The following ADAMTSL1 variants were observed in gnomAD, a reference collection of about 807,000 sequenced individuals.
The protein encoded by ADAMTSL1 is ADAMTS-like protein 1.
A neutral mutation model predicts 201.8 loss-of-function variants in ADAMTSL1; 126 were observed. That is an observed-to-expected ratio of 0.62 (90% CI 0.54 to 0.72). The LOEUF (loss-of-function observed/expected upper bound fraction) is 0.72. Among genes scored for constraint, ADAMTSL1 ranks in the 30% least tolerant of loss-of-function variants. The pLI, the probability that ADAMTSL1 is intolerant of heterozygous loss-of-function variation, is 0.00. For synonymous variants in ADAMTSL1, 1,121 were observed against 903.4 expected (o/e 1.24, Z -4.32); for missense variants, 2,679 against 2,277.8 (o/e 1.18, Z -3.59).
At chr9:17,947,312 T>TACAC (rs34840423) in intron 1 of ADAMTSL1, among the ~76,000 whole-genome samples, 16,699 of 143,228 alleles carry the variant, frequency 0.12, 1,062 homozygotes, top group South Asian at 0.22. Context: ...TATACACACA[T>TACAC]ACACACACAC....
intron 8 of ADAMTSL1, among the ~76,000 whole-genome samples, chr9:18,660,247 AT>A (rs949819326): frequency 6.6e-6 from 1 of 152,194 alleles, no homozygotes; most frequent in African/African-American, 2.4e-5. Context: ...CTTCCACTTT[AT>A]TTTGAAATGT....
In ADAMTSL1 at chr9:17,940,523, C is replaced by T. The variant is rs983500269; in HGVS notation, c.87+33601C>T. Among the ~76,000 whole-genome samples, 3 of 151,920 alleles carry T rather than the reference C, an allele frequency of 2.0e-5. No individual in the cohort carries two copies. In the South Asian group the frequency reaches 6.2e-4, roughly 32 times the overall value. ...GGAAGAAAAACCAATTTAGGGTGGG[C>T]AGATAGCATCTACTTGTTGACCTGT... is the stretch of plus-strand genomic sequence containing the variant. On this transcript the variant is annotated intron_variant, in intron 1 of 29. Coordinates refer to the ADAMTSL1 transcript ENST00000680146.
intron 2 of ADAMTSL1, among the ~76,000 whole-genome samples, chr9:18,274,071 C>G (rs562192769): frequency 6.6e-6 from 1 of 152,162 alleles, no homozygotes; most frequent in African/African-American, 2.4e-5. Context: ...TAGAATGAAG[C>G]TATGGAAGAG....
chr9:18,669,286 G>A lies in ADAMTSL1; in HGVS notation c.1086-6571G>A, dbSNP rs10963716. On this transcript the variant is annotated intron_variant, in intron 9 of 28. Coordinates refer to ENST00000380548, the MANE Select transcript of ADAMTSL1 (RefSeq NM_001040272.6). ...ACAGAAAGAAGTAAACAAAGACCAA[G>A]GAAATATTAGTCCCACTTATTTAAA... 4.4e-4 allele frequency among the ~76,000 whole-genome samples: 67 copies of A among 152,196 alleles called. 2 individuals carry two copies. The East Asian group carries it at 0.012, about 27-fold the overall frequency.
chr9:18,413,161 T>A (rs76377799), intron 2 of ADAMTSL1, among the ~76,000 whole-genome samples: 1 of 151,502 alleles, frequency 6.6e-6, no homozygotes, highest in Non-Finnish European at 1.5e-5. Flanking sequence ...TTTTTTTTTT[T>A]TTTTGAGATG....
At chr9:18,772,226 A>C (rs1820732930) in intron 17 of ADAMTSL1, among the ~76,000 whole-genome samples, 1 of 152,162 alleles carries the variant, frequency 6.6e-6, no homozygotes, top group African/African-American at 2.4e-5. Context: ...GAGTATTATA[A>C]AAGGAATTGC....
At chr9:18,897,265 C>A (rs1829701959) in intron 26 of ADAMTSL1, among the ~76,000 whole-genome samples, 1 of 152,042 alleles carries the variant, frequency 6.6e-6, no homozygotes, top group Admixed American at 6.6e-5. Flanking sequence ...GAGTCTCTGC[C>A]CTTGAGTTAC....
intron 21 of ADAMTSL1, among the ~76,000 whole-genome samples, chr9:18,824,949 G>C (rs1237721335): frequency 6.6e-6 from 1 of 152,014 alleles, no homozygotes; most frequent in Non-Finnish European, 1.5e-5. Context: ...GTCTGCCTCG[G>C]CCTCCCAAAG....
intron 2 of ADAMTSL1, among the ~76,000 whole-genome samples, chr9:18,221,042 G>A (rs552327515): frequency 3.7e-4 from 57 of 152,098 alleles, no homozygotes; most frequent in Non-Finnish European, 6.2e-4. Context: ...CCCAAAGTTC[G>A]GGGATTACAG....
chr9:18,772,764 A>G (rs762798867), intron 17 of ADAMTSL1, among the ~76,000 whole-genome samples: 3 of 152,184 alleles, frequency 2.0e-5, no homozygotes, highest in Non-Finnish European at 4.4e-5. Flanking sequence ...AAATGAAAGG[A>G]AGCACTCACC....
chr9:18,705,916 C>A (rs745870008), intron 13 of ADAMTSL1, among the ~76,000 whole-genome samples: 4 of 152,146 alleles, frequency 2.6e-5, no homozygotes, highest in Non-Finnish European at 5.9e-5. Flanking sequence ...ACAGGGCAAA[C>A]CCCAAAACTG....
intron 3 of ADAMTSL1, among the ~76,000 whole-genome samples, chr9:18,557,460 C>A (rs1219174657): frequency 6.6e-6 from 1 of 151,978 alleles, no homozygotes. Context: ...CCCAGGTTAA[C>A]CTTAAGTTGT....
chr9:18,137,154 A>T (rs913018553), intron 1 of ADAMTSL1, among the ~76,000 whole-genome samples: 1 of 152,324 alleles, frequency 6.6e-6, no homozygotes, highest in South Asian at 2.1e-4. Context: ...CAATGATAGT[A>T]GCCCAGGTTT....
chr9:18,519,568 T>C (rs1341062), intron 2 of ADAMTSL1, among the ~76,000 whole-genome samples: 35,475 of 152,262 alleles, frequency 0.23, 4,823 homozygotes, highest in East Asian at 0.65. Flanking sequence ...TTGTGTGTTC[T>C]ATTCTGATTC....
At chr9:18,069,264 T>C (rs980628885) in intron 1 of ADAMTSL1, among the ~76,000 whole-genome samples, 3 of 152,232 alleles carry the variant, frequency 2.0e-5, no homozygotes, top group African/African-American at 4.8e-5. Context: ...TTTCAATATA[T>C]CGAGTTGAAG....
intron 2 of ADAMTSL1, among the ~76,000 whole-genome samples, chr9:18,425,466 A>C (rs1819168584): frequency 6.6e-6 from 1 of 152,180 alleles, no homozygotes; most frequent in African/African-American, 2.4e-5. Flanking sequence ...ATCCCCAAAC[A>C]TTGCTAAAAT....
intron 4 of ADAMTSL1, among the ~76,000 whole-genome samples, chr9:18,596,200 G>A (rs138689350): frequency 0.011 from 1,720 of 152,282 alleles, 36 homozygotes; most frequent in African/African-American, 0.039. Context: ...GTCTGAATTA[G>A]GTTCAATGGG....
At chr9:18,426,351 G>A (rs1387109360) in intron 2 of ADAMTSL1, among the ~76,000 whole-genome samples, 1 of 152,132 alleles carries the variant, frequency 6.6e-6, no homozygotes, top group Non-Finnish European at 1.5e-5. Flanking sequence ...TCCCTAAAGG[G>A]ATACCTGCAT....
intron 1 of ADAMTSL1, among the ~76,000 whole-genome samples, chr9:17,919,804 G>A (rs1020888493): frequency 2.0e-5 from 3 of 151,998 alleles, no homozygotes; most frequent in African/African-American, 7.2e-5. Flanking sequence ...TTTTTGGGTG[G>A]ACAAATGTTT....
Sources: gnomAD v4.1 joint callset for allele counts (sites outside exome capture counted in the v4.1 genomes callset) on GRCh38, gnomAD v4.1.1 for gene constraint, MANE v1.5 for transcripts, NCBI Gene and HGNC (gene_info 2026-07-23, HGNC 2026-07-21) for gene names.